CDH18: variants seen among roughly 807,000 people sequenced by gnomAD.
CDH18 encodes the protein cadherin 18.
CDH18 carries 31 observed loss-of-function variants against 67.9 expected under a neutral mutation model. The observed-to-expected ratio is 0.46, with a 90% confidence interval of 0.34 to 0.62. The LOEUF is 0.62. CDH18 is among the 20% of genes least tolerant of loss of function. CDH18 has a pLI of 0.01. For synonymous variants in CDH18, 362 were observed against 347.2 expected, an observed-to-expected ratio of 1.04 and a Z score of -0.48; for missense variants, 890 against 975.5, an observed-to-expected ratio of 0.91 and a Z score of 1.17.
chr5:19,651,094 T>A (rs544431714), intron 5 of CDH18, among the ~76,000 whole-genome samples: 1 of 152,048 alleles, frequency 6.6e-6, no homozygotes, highest in East Asian at 1.9e-4. Flanking sequence ...CTAATAATAG[T>A]TTAGTAAATT....
intron 2 of CDH18, among the ~76,000 whole-genome samples, chr5:20,026,382 G>A (rs928114932): frequency 3.3e-5 from 5 of 152,134 alleles, no homozygotes. Context: ...CGGAATTTCT[G>A]TGAGGTTTGC....
chr5:20,544,005 A>G (rs1757198849), intron 1 of CDH18, among the ~76,000 whole-genome samples: 1 of 152,180 alleles, frequency 6.6e-6, no homozygotes, highest in African/African-American at 2.4e-5. Flanking sequence ...TCAATTGTCT[A>G]TGTAATGAGT....
chr5:19,687,888 A>G (rs1393412783), intron 5 of CDH18, among the ~76,000 whole-genome samples: 2 of 152,148 alleles, frequency 1.3e-5, no homozygotes, highest in African/African-American at 2.4e-5. Context: ...CCTACCTGCC[A>G]CAGCTGATAC....
At chr5:20,235,339 G>C (rs565629347) in intron 2 of CDH18, among the ~76,000 whole-genome samples, 3 of 152,084 alleles carry the variant, frequency 2.0e-5, no homozygotes, top group East Asian at 1.9e-4. Context: ...AGAGTAAACA[G>C]ACCGCCCACA....
intron 1 of CDH18, among the ~76,000 whole-genome samples, chr5:20,351,283 G>A (rs1440915577): frequency 6.7e-6 from 1 of 150,036 alleles, no homozygotes; most frequent in Non-Finnish European, 1.5e-5. Flanking sequence ...TACATCAAAT[G>A]GTTAGAACAG....
At chr5:20,347,140 C>T (rs1740768533) in intron 1 of CDH18, among the ~76,000 whole-genome samples, 1 of 152,050 alleles carries the variant, frequency 6.6e-6, no homozygotes, top group Non-Finnish European at 1.5e-5. Flanking sequence ...CATGGTTCCC[C>T]CACTTATTAG....
chr5:20,540,567 A>ATGTT (rs1458268242), intron 1 of CDH18, among the ~76,000 whole-genome samples: 4 of 152,314 alleles, frequency 2.6e-5, no homozygotes, highest in Admixed American at 6.5e-5. Context: ...AAGTGATATA[A>ATGTT]TGTTTTTGAG....
chr5:20,568,213 A>G (rs1758623579), intron 1 of CDH18, among the ~76,000 whole-genome samples: 1 of 152,204 alleles, frequency 6.6e-6, no homozygotes, highest in Admixed American at 6.5e-5. Context: ...AGTGTTAAAG[A>G]AAATGAACTT....
intron 1 of CDH18, among the ~76,000 whole-genome samples, chr5:20,303,573 G>A (rs1580707050): frequency 1.3e-5 from 2 of 152,012 alleles, no homozygotes; most frequent in African/African-American, 2.4e-5. Context: ...GTCGCAGCCC[G>A]GTTCATTTGG....
chr5:20,303,808 A>G (rs995381093), intron 1 of CDH18, among the ~76,000 whole-genome samples: 1 of 152,206 alleles, frequency 6.6e-6, no homozygotes, highest in African/African-American at 2.4e-5. Context: ...ACATTAAAAA[A>G]TCTTCCAAAA....
At chr5:20,125,756 G>A (rs375524098) in intron 2 of CDH18, among the ~76,000 whole-genome samples, 8 of 151,728 alleles carry the variant, frequency 5.3e-5, no homozygotes, top group East Asian at 3.9e-4. Flanking sequence ...CAGACTTCAC[G>A]CTGAGCACTG....
At chr5:20,230,009 A>G (rs1561895212) in intron 2 of CDH18, among the ~76,000 whole-genome samples, 1 of 151,990 alleles carries the variant, frequency 6.6e-6, no homozygotes, top group Admixed American at 6.6e-5. Context: ...ACCAGCATCT[A>G]TTTTTTTCTC....
At chr5:20,146,838 A>C (rs993358919) in intron 2 of CDH18, among the ~76,000 whole-genome samples, 3 of 152,042 alleles carry the variant, frequency 2.0e-5, no homozygotes, top group African/African-American at 7.2e-5. Context: ...ACAATATAAT[A>C]AAGAACAATG....
chr5:19,741,752 T>A (rs1769243224), intron 4 of CDH18, among the ~76,000 whole-genome samples: 1 of 152,150 alleles, frequency 6.6e-6, no homozygotes. Flanking sequence ...TTATATTGCA[T>A]GTTCCCTAGG....
chr5:19,851,112 C>A (rs908392230), intron 2 of CDH18, among the ~76,000 whole-genome samples: 1 of 151,548 alleles, frequency 6.6e-6, no homozygotes, highest in Non-Finnish European at 1.5e-5. Context: ...GTATAATGTC[C>A]TCGAGAGTAT....
Position 20,538,898 on chromosome 5 carries a change from G to GTTTGTTTT in CDH18, c.-580+36563_-580+36564insAAAACAAA, listed in dbSNP as rs1756877907. 3.7e-5 allele frequency among the ~76,000 whole-genome samples: 4 copies of GTTTGTTTT among 106,764 alleles called. No homozygotes were observed. The South Asian group carries it at 1.5e-3, about 40-fold the overall frequency. 70.0% of individuals were successfully genotyped at this position (106,764 alleles called of 152,430 possible). A position where few individuals can be genotyped will look rare whatever the true frequency, so the allele number is the denominator to read the frequency against. ...TGGATATACATCCACATAGCCAACT[G>GTTTGTTTT]TTTTTTTTTTGTTTTTTTTTTTTTT... is the stretch of plus-strand genomic sequence containing the variant. On this transcript the variant is annotated intron_variant, in intron 1 of 14. Coordinates refer to the CDH18 transcript ENST00000507958.
chr5:20,003,644 C>T (rs1037937055), intron 2 of CDH18, among the ~76,000 whole-genome samples: 25 of 152,058 alleles, frequency 1.6e-4, no homozygotes, highest in African/African-American at 6.0e-4. Flanking sequence ...CCTGTAATCC[C>T]AGCACTTTGG....
At chr5:20,123,535 C>G (rs1458948131) in intron 2 of CDH18, among the ~76,000 whole-genome samples, 2 of 152,138 alleles carry the variant, frequency 1.3e-5, no homozygotes, top group African/African-American at 4.8e-5. Context: ...ATTATTTCCC[C>G]AGTTCCACGC....
At chr5:20,561,629 T>A (rs997166864) in intron 1 of CDH18, among the ~76,000 whole-genome samples, 9 of 152,062 alleles carry the variant, frequency 5.9e-5, no homozygotes, top group African/African-American at 1.9e-4. Context: ...TAGAAGATTT[T>A]TTTAGGGAAG....
Sources: gnomAD v4.1 joint callset for allele counts (sites outside exome capture counted in the v4.1 genomes callset) on GRCh38, gnomAD v4.1.1 for gene constraint, MANE v1.5 for transcripts, NCBI Gene and HGNC (gene_info 2026-07-23, HGNC 2026-07-21) for gene names.